AGBL4: variants seen among roughly 807,000 people sequenced by gnomAD.
AGBL4 encodes the protein cytosolic carboxypeptidase 6.
Under a neutral mutation model 66.4 loss-of-function variants are expected in AGBL4, and 58 were observed. The ratio of observed to expected loss-of-function variants is 0.87; its 90% CI spans 0.71 to 1.09. The LOEUF is 1.09. Ranked by LOEUF, AGBL4 falls within the 50% of genes least tolerant of loss-of-function variation. The probability of loss-of-function intolerance (pLI) is 0.00; values close to 1 mark genes in which losing one functional copy is unlikely to be tolerated. For synonymous variants in AGBL4, 234 were observed against 222.9 expected, an observed-to-expected ratio of 1.05 and a Z score of -0.44; for missense variants, 579 against 631.0, an observed-to-expected ratio of 0.92 and a Z score of 0.88.
intron 3 of AGBL4, among the ~76,000 whole-genome samples, chr1:49,498,535 C>A (rs1192676055): frequency 6.6e-6 from 1 of 151,380 alleles, no homozygotes; most frequent in Non-Finnish European, 1.5e-5. Flanking sequence ...ATATAATATT[C>A]CGTTGTGTAT....
At chr1:49,570,527 T>C (rs1398351912) in intron 3 of AGBL4, among the ~76,000 whole-genome samples, 1 of 152,180 alleles carries the variant, frequency 6.6e-6, no homozygotes, top group African/African-American at 2.4e-5. Context: ...TGTTTTTTCC[T>C]ATTCTGTAGG....
chr1:49,805,105 A>T (rs1463375687), intron 2 of AGBL4, among the ~76,000 whole-genome samples: 1 of 152,240 alleles, frequency 6.6e-6, no homozygotes, highest in East Asian at 1.9e-4. Flanking sequence ...GAAGATAAAG[A>T]AATGAGGCAG....
At chr1:49,827,311 G>A (rs1340317202) in intron 2 of AGBL4, among the ~76,000 whole-genome samples, 1 of 151,920 alleles carries the variant, frequency 6.6e-6, no homozygotes, top group Non-Finnish European at 1.5e-5. Flanking sequence ...GGAGTAAAAG[G>A]ATTTAATAAG....
intron 5 of AGBL4, among the ~76,000 whole-genome samples, chr1:49,006,151 G>C (rs1170728348): frequency 1.3e-5 from 2 of 152,194 alleles, no homozygotes; most frequent in Non-Finnish European, 2.9e-5. Flanking sequence ...GACAGTGGGC[G>C]CAGGTCAGTG....
intron 3 of AGBL4, among the ~76,000 whole-genome samples, chr1:49,476,809 G>A (rs1424859984): frequency 2.0e-5 from 3 of 152,000 alleles, no homozygotes; most frequent in African/African-American, 4.8e-5. Context: ...TTCTGGACCT[G>A]CCCTGGGCCT....
intron 6 of AGBL4, among the ~76,000 whole-genome samples, chr1:48,793,376 G>A (rs555016880): frequency 6.6e-6 from 1 of 152,140 alleles, no homozygotes; most frequent in South Asian, 2.1e-4. Flanking sequence ...TCTTATAGCA[G>A]CGCCCCAAAA....
At chr1:49,930,309 G>A (rs1653203556) in intron 1 of AGBL4, among the ~76,000 whole-genome samples, 1 of 151,852 alleles carries the variant, frequency 6.6e-6, no homozygotes, top group African/African-American at 2.4e-5. Context: ...TAAAGAAATT[G>A]AACTTAAAGA....
chr1:49,081,223 T>C (rs1644803796), intron 4 of AGBL4, among the ~76,000 whole-genome samples: 1 of 152,220 alleles, frequency 6.6e-6, no homozygotes, highest in Non-Finnish European at 1.5e-5. Flanking sequence ...TAACTTTAAA[T>C]AACTGTAATC....
At chr1:49,125,013 A>G (rs941522030) in intron 4 of AGBL4, among the ~76,000 whole-genome samples, 3 of 152,132 alleles carry the variant, frequency 2.0e-5, no homozygotes, top group Non-Finnish European at 4.4e-5. Context: ...GTGACTTTGG[A>G]GTGTTGACAG....
intron 9 of AGBL4, among the ~76,000 whole-genome samples, chr1:48,628,899 C>T (rs1445840832): frequency 7.0e-6 from 1 of 143,272 alleles, no homozygotes; most frequent in East Asian, 2.1e-4. Context: ...TTATAGCACA[C>T]CTTCCTAACT....
intron 5 of AGBL4, among the ~76,000 whole-genome samples, chr1:48,944,676 T>C (rs375414304): frequency 1.3e-5 from 2 of 152,148 alleles, no homozygotes; most frequent in East Asian, 1.9e-4. Flanking sequence ...TTCTGCAAAC[T>C]GCCCCCCGCA....
intron 4 of AGBL4, among the ~76,000 whole-genome samples, chr1:49,108,612 G>A (rs1444802211): frequency 2.0e-5 from 3 of 152,130 alleles, no homozygotes; most frequent in Admixed American, 2.0e-4. Context: ...CATGCTGGGA[G>A]GCCTCATCTC....
At chr1:49,575,868 C>T (rs1571084273) in intron 3 of AGBL4, among the ~76,000 whole-genome samples, 2 of 152,298 alleles carry the variant, frequency 1.3e-5, no homozygotes, top group East Asian at 1.9e-4. Context: ...GTGTCATAAT[C>T]TTATTTGGAG....
chr1:48,883,924 C>CAAAA (rs1232980429), intron 5 of AGBL4, among the ~76,000 whole-genome samples: 1 of 152,104 alleles, frequency 6.6e-6, no homozygotes, highest in African/African-American at 2.4e-5. Flanking sequence ...AAAAAACAAA[C>CAAAA]AAACAAACAA....
At chr1:49,422,322 T>C (rs1645563770) in intron 3 of AGBL4, among the ~76,000 whole-genome samples, 1 of 152,204 alleles carries the variant, frequency 6.6e-6, no homozygotes, top group Non-Finnish European at 1.5e-5. Flanking sequence ...TCTCTGCACA[T>C]CCTTAAAATT....
intron 3 of AGBL4, among the ~76,000 whole-genome samples, chr1:49,572,332 T>C (rs749813082): frequency 1.3e-5 from 2 of 152,208 alleles, no homozygotes; most frequent in Non-Finnish European, 2.9e-5. Flanking sequence ...CCATTTTCTC[T>C]AGATTTTCCA....
Position 49,159,734 on chromosome 1 carries a change from C to T in AGBL4, c.377+86036G>A, listed in dbSNP as rs535888975. 3.3e-5 allele frequency among the ~76,000 whole-genome samples: 5 copies of T among 152,240 alleles called. No homozygotes were observed. In the East Asian group the frequency reaches 7.7e-4, roughly 24 times the overall value. ...ATAGATTTGGTCTTTTCACATATCC[C>T]ATATTTCTTGATGGTTTTGTTCATT... On this transcript the variant is annotated intron_variant, in intron 4 of 13. Coordinates refer to ENST00000371839, the MANE Select transcript of AGBL4 (RefSeq NM_032785.4).
At chr1:49,658,717 A>T (rs1159426047) in intron 3 of AGBL4, among the ~76,000 whole-genome samples, 4 of 152,178 alleles carry the variant, frequency 2.6e-5, no homozygotes, top group African/African-American at 9.7e-5. Flanking sequence ...AGGGACATGG[A>T]TGAAGCTGGA....
At chr1:49,329,302 G>A (rs375896178) in intron 3 of AGBL4, among the ~76,000 whole-genome samples, 19 of 151,980 alleles carry the variant, frequency 1.3e-4, no homozygotes, top group Middle Eastern at 3.4e-3. Context: ...GGGAGATTCC[G>A]TCTCAAAACA....
Sources: allele counts gnomAD v4.1 joint callset (sites outside exome capture counted in the v4.1 genomes callset), GRCh38; gene constraint gnomAD v4.1.1; transcripts MANE v1.5; gene names NCBI Gene and HGNC (gene_info 2026-07-23, HGNC 2026-07-21).